PRRX1: variants seen among roughly 807,000 people sequenced by gnomAD.
PRRX1 encodes the protein paired related homeobox 1.
In PRRX1, 8 loss-of-function variants were observed where a neutral mutation model predicts 24.0. The ratio of observed to expected loss-of-function variants is 0.33; its 90% CI spans 0.20 to 0.60. The LOEUF (loss-of-function observed/expected upper bound fraction) is 0.60, where lower values mean the gene tolerates loss of function less well. Among genes scored for constraint, PRRX1 ranks in the 20% least tolerant of loss-of-function variants. The pLI is 0.82. For missense variants in PRRX1, 281 were observed against 322.4 expected, an observed-to-expected ratio of 0.87 and a Z score of 0.98; for synonymous variants, 160 against 131.7, an observed-to-expected ratio of 1.22 and a Z score of -1.47.
rs566803782 is a variant in PRRX1 at position 170,734,298 on chromosome 1, A to G, written c.600-1750A>G. Among the ~76,000 whole-genome samples, 3 of 151,198 alleles carry G rather than the reference A, an allele frequency of 2.0e-5. No individual in the cohort carries two copies. The South Asian group carries it at 6.3e-4, about 32-fold the overall frequency. On this transcript the variant is annotated intron_variant, in intron 3 of 3. Coordinates refer to ENST00000239461, the MANE Select transcript of PRRX1 (RefSeq NM_022716.4). ...AACCAATGACATCGAGCAGGAATCA[A>G]TTTAATCACACTATATATAGATATT...
At chr1:170,692,720 C>G (rs1228755082) in intron 1 of PRRX1, among the ~76,000 whole-genome samples, 1 of 126,468 alleles carries the variant, frequency 7.9e-6, no homozygotes, top group Non-Finnish European at 1.7e-5. Flanking sequence ...AATCCTCTCT[C>G]TCTCTCTCTC....
rs74944030 is a variant in PRRX1, at chr1:170,693,318, G to A, written c.242-26408G>A. ...TATAAAGAGTGGAGACAGCATGCAA[G>A]TGTGATTAGGGAGGTGGGGTCAAAG... On this transcript the variant is annotated intron_variant, in intron 1 of 3. Transcript: ENST00000239461. 7.7e-3 allele frequency among the ~76,000 whole-genome samples: 1,172 copies of A among 152,192 alleles called. 16 individuals carry two copies. The highest frequency in any genetic ancestry group is 0.027 in the African/African-American group (1,111 of 41,548).
chr1:170,697,971 C>A (rs1018700117), intron 1 of PRRX1, among the ~76,000 whole-genome samples: 40 of 151,616 alleles, frequency 2.6e-4, no homozygotes, highest in Non-Finnish European at 2.1e-4. Context: ...TCCACCTCCC[C>A]ATCATCATCA....
intron 3 of PRRX1, chr1:170,728,414 T>C (rs1033514413): frequency 2.0e-5 from 3 of 152,232 alleles, no homozygotes; most frequent in African/African-American, 7.2e-5. Context: ...TAATTCACCA[T>C]CTTGACATAA....
At chr1:170,723,975 T>A (rs963188979) in intron 2 of PRRX1, among the ~76,000 whole-genome samples, 1 of 152,220 alleles carries the variant, frequency 6.6e-6, no homozygotes, top group African/African-American at 2.4e-5. Flanking sequence ...GTATTTAATC[T>A]CATTGAAATT....
intron 1 of PRRX1, among the ~76,000 whole-genome samples, chr1:170,700,634 C>T (rs1316216909): frequency 6.6e-6 from 1 of 152,156 alleles, no homozygotes; most frequent in Non-Finnish European, 1.5e-5. Context: ...ATTATTAGTA[C>T]TGTCCTTCTG....
At chr1:170,686,409 G>T (rs970426314) in intron 1 of PRRX1, among the ~76,000 whole-genome samples, 6 of 152,130 alleles carry the variant, frequency 3.9e-5, no homozygotes, top group African/African-American at 1.4e-4. Flanking sequence ...GTGGGGAATA[G>T]AATTTCTTGT....
intron 1 of PRRX1, among the ~76,000 whole-genome samples, chr1:170,687,176 C>A (rs759450457): frequency 9.4e-4 from 142 of 151,534 alleles, no homozygotes; most frequent in Non-Finnish European, 1.2e-3. Context: ...GAGTGAAGAA[C>A]AAAATAAACA....
chr1:170,703,098 ATCTG>A (rs1425977616), intron 1 of PRRX1, among the ~76,000 whole-genome samples: 3 of 152,186 alleles, frequency 2.0e-5, no homozygotes, highest in Non-Finnish European at 4.4e-5. Context: ...CAAGAAGTTT[ATCTG>A]TCTATCTAAT....
At position 170,696,384 on chromosome 1, in the gene PRRX1, G is replaced by C. The variant is rs552277241; in HGVS notation, c.242-23342G>C. Among the ~76,000 whole-genome samples the C allele has an allele frequency of 3.9e-5, 6 of 152,260 alleles. No homozygotes were observed. In the East Asian group the frequency reaches 1.2e-3, roughly 29 times the overall value. ...TATTCTCTAGTGTGCGGTTCTCAGA[G>C]AGGAATGTGCCACAGTATTCCAATA... On this transcript the variant is annotated intron_variant, in intron 1 of 3. Transcript: ENST00000239461.
At chr1:170,669,619 C>CA (rs1653076165) in intron 1 of PRRX1, among the ~76,000 whole-genome samples, 2 of 151,814 alleles carry the variant, frequency 1.3e-5, no homozygotes, top group African/African-American at 4.8e-5. Flanking sequence ...CAATCCCTCT[C>CA]CTACACACTG....
At chr1:170,689,408 A>G (rs1653853699) in intron 1 of PRRX1, among the ~76,000 whole-genome samples, 1 of 152,174 alleles carries the variant, frequency 6.6e-6, no homozygotes, top group African/African-American at 2.4e-5. Flanking sequence ...TACTTAATGC[A>G]AATGACAAAA....
chr1:170,707,463 T>A (rs1654607130), intron 1 of PRRX1, among the ~76,000 whole-genome samples: 1 of 152,206 alleles, frequency 6.6e-6, no homozygotes, highest in Admixed American at 6.5e-5. Flanking sequence ...CCCAAATCAG[T>A]TACCATGCAC....
At chr1:170,717,754 T>C (rs1410527876) in intron 1 of PRRX1, among the ~76,000 whole-genome samples, 2 of 152,192 alleles carry the variant, frequency 1.3e-5, no homozygotes, top group African/African-American at 4.8e-5. Context: ...TGCTTCCAAA[T>C]ATTAAATAGG....
chr1:170,690,972 C>T (rs1309843601), intron 1 of PRRX1, among the ~76,000 whole-genome samples: 2 of 151,976 alleles, frequency 1.3e-5, no homozygotes, highest in East Asian at 1.9e-4. Context: ...AGAAGGTACT[C>T]GTGGTTTTAT....
chr1:170,687,325 A>G (rs959191483), intron 1 of PRRX1, among the ~76,000 whole-genome samples: 6 of 152,172 alleles, frequency 3.9e-5, no homozygotes, highest in Non-Finnish European at 8.8e-5. Flanking sequence ...GAAACTAAAC[A>G]AGAACTCTTG....
At chr1:170,696,808 A>G (rs1654185323) in intron 1 of PRRX1, among the ~76,000 whole-genome samples, 2 of 152,346 alleles carry the variant, frequency 1.3e-5, no homozygotes, top group African/African-American at 4.8e-5. Flanking sequence ...CTCAGTAAAA[A>G]TCCCTGGGCC....
intron 1 of PRRX1, among the ~76,000 whole-genome samples, chr1:170,687,453 G>A (rs752743442): frequency 6.6e-6 from 1 of 152,140 alleles, no homozygotes; most frequent in African/African-American, 2.4e-5. Flanking sequence ...AGTAGATGAC[G>A]TTTGCTTCGA....
chr1:170,673,561 G>T (rs750919746), intron 1 of PRRX1, among the ~76,000 whole-genome samples: 18 of 152,168 alleles, frequency 1.2e-4, no homozygotes, highest in Non-Finnish European at 2.2e-4. Flanking sequence ...ACCACTCCCA[G>T]TTTACAGCTT....
Sources: gnomAD v4.1 joint callset for allele counts (sites outside exome capture counted in the v4.1 genomes callset) on GRCh38, gnomAD v4.1.1 for gene constraint, MANE v1.5 for transcripts, NCBI Gene and HGNC (gene_info 2026-07-23, HGNC 2026-07-21) for gene names.